Variants in ZMYM4 observed in about 807,000 individuals in gnomAD.
The protein encoded by ZMYM4 is zinc finger MYM-type protein 4.
In ZMYM4, 31 loss-of-function variants were observed where a neutral mutation model predicts 183.2. That is an observed-to-expected ratio of 0.17 (90% CI 0.13 to 0.23). The LOEUF is 0.23. Among genes scored for constraint, ZMYM4 ranks in the 10% least tolerant of loss-of-function variants. ZMYM4 has a pLI of 1.00. For synonymous variants in ZMYM4, 592 were observed against 631.2 expected, an observed-to-expected ratio of 0.94 and a Z score of 0.93; for missense variants, 1,273 against 1,840.3, an observed-to-expected ratio of 0.69 and a Z score of 5.64.
At chr1:35,328,462 T>A (rs937656325) in intron 2 of ZMYM4, among the ~76,000 whole-genome samples, 4 of 141,942 alleles carry the variant, frequency 2.8e-5, no homozygotes, top group East Asian at 4.0e-4. Flanking sequence ...TAATTTTTTT[T>A]TTTTTTTTTT....
rs1173418601 is a variant in ZMYM4, at chr1:35,365,303, T to A, written c.840+3514T>A. Among the ~76,000 whole-genome samples the A allele has an allele frequency of 2.0e-5, 3 of 151,088 alleles. No homozygotes were observed. In the South Asian group the frequency reaches 6.3e-4, roughly 32 times the overall value. On this transcript the variant is annotated intron_variant, in intron 5 of 29. Transcript: ENST00000314607. ...TCTGTAAATAAAAGTTGTTTAATTT[T>A]AAAAATACCAAGGGAAGGTTTCAAA...
chr1:35,356,973 T>G (rs1362286014), intron 2 of ZMYM4, among the ~76,000 whole-genome samples: 1 of 152,140 alleles, frequency 6.6e-6, no homozygotes, highest in Non-Finnish European at 1.5e-5. Context: ...AGCCTCAAAC[T>G]CTTGGGTTCA....
intron 21 of ZMYM4, 55 bp from the exon 22 acceptor site, chr1:35,398,809 T>C: frequency 6.3e-7 from 1 of 1,582,050 alleles, no homozygotes; most frequent in Admixed American, 1.7e-5. Flanking sequence ...TTTCCGAGCA[T>C]GTCAAGATGA....
At chr1:35,330,305 A>G (rs187874362) in intron 2 of ZMYM4, among the ~76,000 whole-genome samples, 38 of 152,306 alleles carry the variant, frequency 2.5e-4, no homozygotes, top group Admixed American at 5.2e-4. Flanking sequence ...TTTCTCATAT[A>G]AAAGAAGCCC....
At chr1:35,296,843 C>CTTTTTTTTTTTTTTTTT (rs780202714) in intron 1 of ZMYM4, among the ~76,000 whole-genome samples, 10 of 95,624 alleles carry the variant, frequency 1.0e-4, no homozygotes, top group Non-Finnish European at 1.5e-4. Flanking sequence ...TTCTTTCTTT[C>CTTTTTTTTTTTTTTTTT]TTTTTTTTTT....
At chr1:35,283,816 C>A (rs984713234) in intron 1 of ZMYM4, among the ~76,000 whole-genome samples, 2 of 152,026 alleles carry the variant, frequency 1.3e-5, no homozygotes, top group African/African-American at 4.8e-5. Flanking sequence ...TTTTTAATTG[C>A]TTGTCTTTTT....
At chr1:35,339,652 G>T (rs1015236073) in intron 2 of ZMYM4, among the ~76,000 whole-genome samples, 1 of 152,142 alleles carries the variant, frequency 6.6e-6, no homozygotes, top group African/African-American at 2.4e-5. Context: ...AGCATGGTTG[G>T]GAGGGGTGTC....
chr1:35,319,468 T>G (rs921942034), intron 1 of ZMYM4, among the ~76,000 whole-genome samples: 3 of 151,888 alleles, frequency 2.0e-5, no homozygotes, highest in African/African-American at 7.3e-5. Context: ...CAGAAAATTT[T>G]AAAAAATTAG....
intron 19 of ZMYM4, 128 bp from the exon 20 acceptor site, chr1:35,397,249 T>G: frequency 1.7e-6 from 2 of 1,150,942 alleles, no homozygotes; most frequent in Non-Finnish European, 2.3e-6. Flanking sequence ...CAAGACTATT[T>G]TAATCATCAG....
chr1:35,298,438 C>CTGAA (rs773887175), intron 1 of ZMYM4, among the ~76,000 whole-genome samples: 1 of 152,114 alleles, frequency 6.6e-6, no homozygotes, highest in Non-Finnish European at 1.5e-5. Context: ...AAGCCCCTTG[C>CTGAA]TGAATCTGGC....
At chr1:35,401,919 C>T (rs1644916574) in intron 23 of ZMYM4, among the ~76,000 whole-genome samples, 1 of 152,116 alleles carries the variant, frequency 6.6e-6, no homozygotes, top group Non-Finnish European at 1.5e-5. Flanking sequence ...ATATATGTAT[C>T]TATCAGTCTG....
At position 35,419,683 on chromosome 1, in the gene ZMYM4, A is replaced by G. The variant is rs762926057; in HGVS notation, c.*6A>G. On this transcript the variant is annotated 3_prime_UTR_variant, in exon 30 of 30. Coordinates refer to ENST00000314607, the MANE Select transcript of ZMYM4 (RefSeq NM_005095.3). Reference sequence around the variant, plus strand: ...ATGTTGAATTATCAGATTAAAACGGAAGTGAGGTTCTTATTTTCATACATA... The same window carrying G: ...ATGTTGAATTATCAGATTAAAACGGGAGTGAGGTTCTTATTTTCATACATA... 3 of 1,613,916 alleles carry G rather than the reference A, an allele frequency of 1.9e-6. No individual in the cohort carries two copies. The East Asian group carries it at 6.7e-5, about 36-fold the overall frequency.
chr1:35,332,345 CTT>C lies in ZMYM4; in HGVS notation c.85+6943_85+6944del, dbSNP rs1327765049. Among the ~76,000 whole-genome samples the C allele has an allele frequency of 1.0e-4, 15 of 150,426 alleles. No individual in the cohort carries two copies. In the East Asian group the frequency reaches 2.7e-3, roughly 27 times the overall value. On this transcript the variant is annotated intron_variant, in intron 2 of 29. Coordinates refer to ENST00000314607, the MANE Select transcript of ZMYM4 (RefSeq NM_005095.3). Reference sequence around the variant, plus strand: ...ACCCCATAACTAATGGTGTAAAACACTTTTATTAAGCTCAAGGATTCAATGGC... The same window carrying C: ...ACCCCATAACTAATGGTGTAAAACACTTATTAAGCTCAAGGATTCAATGGC...
Position 35,389,824 on chromosome 1 carries a change from G to T in ZMYM4, c.2437-124G>T. The T allele has an allele frequency of 1.2e-6, 1 of 810,336 alleles. No homozygotes were observed. The highest frequency in any genetic ancestry group is 1.9e-6 in the Non-Finnish European group (1 of 535,968). 50.2% of individuals were successfully genotyped at this position (810,336 alleles called of 1,614,324 possible). A position where few individuals can be genotyped will look rare whatever the true frequency, so the allele number is the denominator to read the frequency against. On this transcript the variant is annotated intron_variant, in intron 14 of 29. Transcript: ENST00000314607. The surrounding 1 kb of genome is among the most constrained non-coding windows in gnomAD (Gnocchi z 4.0). ...GTGTGTGTGTATAATCATTGATAAA[G>T]ACAAACTAATTTTTTGATCTAAATT...
rs537133995 is a variant in ZMYM4, at chr1:35,285,014, C to T, written c.39+15929C>T. On this transcript the variant is annotated intron_variant, in intron 1 of 29. Transcript: ENST00000314607. ...ACAAATGCGAGAGTTTATTTCTAGA[C>T]TTTCAGTTCTGTTCTATTTGTCTAT... 2.6e-5 allele frequency among the ~76,000 whole-genome samples: 4 copies of T among 152,266 alleles called. No individual in the cohort carries two copies. The East Asian group carries it at 7.7e-4, about 29-fold the overall frequency.
In ZMYM4 at chr1:35,405,096, C is replaced by T. The variant is rs1644978132; in HGVS notation, c.3602C>T (p.Ser1201Phe). 1 of 1,613,860 alleles carries T rather than the reference C, an allele frequency of 6.2e-7. No homozygotes were observed. Among genetic ancestry groups the T allele is most frequent in the Non-Finnish European group, 8.5e-7 (1 of 1,179,996 alleles). ...IQGAFQGCSV[S>F]GMTLKYMYGV... is the part of the protein sequence containing the mutation. ...GGAGCCTTTCAAGGCTGCTCAGTGT[C>T]CGGGATGACACTGAAATACATGTAT... The change falls in exon 24 of 30, where the codon TCC becomes TTC. Residue 1201 changes from serine (S) to phenylalanine (F), a missense_variant. Physicochemically the swap from Ser to Phe is radical, Grantham distance 155 (BLOSUM62 -2). Coordinates refer to ENST00000314607, the MANE Select transcript of ZMYM4 (RefSeq NM_005095.3).
At chr1:35,284,971 A>C (rs2148699798) in intron 1 of ZMYM4, among the ~76,000 whole-genome samples, 1 of 152,322 alleles carries the variant, frequency 6.6e-6, no homozygotes, top group South Asian at 2.1e-4. Flanking sequence ...GGATACAAAC[A>C]TTCAGACCAT....
At chr1:35,330,381 G>C (rs1168177199) in intron 2 of ZMYM4, among the ~76,000 whole-genome samples, 1 of 152,162 alleles carries the variant, frequency 6.6e-6, no homozygotes, top group Non-Finnish European at 1.5e-5. Flanking sequence ...TATCCCTAGT[G>C]TGTGACTTCC....
At chr1:35,338,553 A>G (rs1643070596) in intron 2 of ZMYM4, among the ~76,000 whole-genome samples, 1 of 152,212 alleles carries the variant, frequency 6.6e-6, no homozygotes, top group South Asian at 2.1e-4. Flanking sequence ...AGTAATACCA[A>G]GGAAAGACTA....
Sources: allele counts gnomAD v4.1 joint callset (sites outside exome capture counted in the v4.1 genomes callset), GRCh38; gene constraint gnomAD v4.1.1; non-coding constraint Gnocchi (gnomAD v3.1); transcripts MANE v1.5; gene names NCBI Gene and HGNC (gene_info 2026-07-23, HGNC 2026-07-21).